DDB1: variants seen among roughly 807,000 people sequenced by gnomAD.
The protein encoded by DDB1 is damage specific DNA binding protein 1.
Under a neutral mutation model 133.1 loss-of-function variants are expected in DDB1, and 18 were observed. The observed-to-expected ratio is 0.14, with a 90% CI of 0.09 to 0.20. DDB1 has a LOEUF of 0.20. Among genes scored for constraint, DDB1 ranks in the 10% least tolerant of loss-of-function variants. DDB1 has a pLI of 1.00. For synonymous variants in DDB1, 580 were observed against 550.5 expected (o/e 1.05, Z -0.75); for missense variants, 828 against 1,459.2 (o/e 0.57, Z 7.05).
At chr11:61,325,079 C>T (rs1221428929) in intron 6 of DDB1, among the ~76,000 whole-genome samples, 2 of 151,868 alleles carry the variant, frequency 1.3e-5, no homozygotes, top group East Asian at 3.9e-4. Context: ...ACCTGGGAGG[C>T]GGAGGTTGCA....
chr11:61,303,813 A>G, intron 22 of DDB1, 52 bp downstream of exon 22: 1 of 1,594,638 alleles, frequency 6.3e-7, no homozygotes, highest in South Asian at 1.1e-5. Context: ...AGACACTTGC[A>G]GGGGCGGTGG....
chr11:61,312,888 T>C (rs760697939), intron 16 of DDB1, among the ~76,000 whole-genome samples: 3 of 151,926 alleles, frequency 2.0e-5, no homozygotes, highest in Non-Finnish European at 2.9e-5. Context: ...CATGAGCCAC[T>C]GCACCCAGCA....
At position 61,326,999 on chromosome 11, in the gene DDB1, G is replaced by A. The variant is rs367586935; in HGVS notation, c.550-106C>T. The A allele has an allele frequency of 2.0e-3, 1,572 of 784,300 alleles. 32 individuals are homozygous for A. The South Asian group carries it at 0.023, about 12-fold the overall frequency. The allele number at this position is 784,300 out of a possible 1,614,324, so 48.6% of individuals were successfully genotyped here. A position where few individuals can be genotyped will look rare whatever the true frequency, so the allele number is the denominator to read the frequency against. ...CCACTACCCAGCATCTGACAGTCCT[G>A]TCATGTCAGCCCTCCCACCCTTATC... On this transcript the variant is annotated intron_variant, in intron 4 of 26. Coordinates refer to ENST00000301764, the MANE Select transcript of DDB1 (RefSeq NM_001923.5).
intron 21 of DDB1, among the ~76,000 whole-genome samples, chr11:61,306,926 G>C (rs552673145): frequency 6.6e-6 from 1 of 152,206 alleles, no homozygotes; most frequent in Non-Finnish European, 1.5e-5. Context: ...TCACTCTTCT[G>C]GTCCTAAAAC....
rs1856202452 is a variant in DDB1, at chr11:61,322,705, G to GC, written c.1006-294_1006-293insG. On this transcript the variant is annotated intron_variant, in intron 8 of 26. Coordinates refer to ENST00000301764, the MANE Select transcript of DDB1 (RefSeq NM_001923.5). ...TTTGCATGCATTTTTCTGCAGAGAA[G>GC]GTCCGAAGTTTTCATATTCTAGAAG... 3 of 535,730 alleles carry GC rather than the reference G, an allele frequency of 5.6e-6. No homozygotes were observed. The East Asian group carries it at 8.9e-5, about 16-fold the overall frequency. The allele number at this position is 535,730 out of a possible 1,614,324, so 33.2% of individuals were successfully genotyped here.
chr11:61,312,077 G>A lies in DDB1; in HGVS notation c.2077C>T (p.Leu693=), dbSNP rs748846173. 1 of 1,614,186 alleles carries A rather than the reference G, an allele frequency of 6.2e-7. No homozygotes were observed. Among genetic ancestry groups the A allele is most frequent in the Non-Finnish European group, 8.5e-7 (1 of 1,180,024 alleles). The change falls in exon 17 of 27, where the codon CTG becomes TTG. Residue 693 remains leucine (L), a synonymous_variant. Transcript: ENST00000301764. ...NSDGYPDSLA[L]ANNSTLTIGT... ...ATGGTGAGGGTGCTATTGTTGGCCA[G>A]CGCCAGGCTGGAAAGAAGGGTCTGG...
intron 5 of DDB1, among the ~76,000 whole-genome samples, 187 bp downstream of exon 5, chr11:61,326,590 CAG>C (rs1178402776): frequency 6.6e-6 from 1 of 151,950 alleles, no homozygotes; most frequent in Non-Finnish European, 1.5e-5. Context: ...AAGTGAAAAA[CAG>C]AAAATCTCAA....
At position 61,309,920 on chromosome 11, in the gene DDB1, G is replaced by A. The variant is rs780707990; in HGVS notation, c.2442C>T (p.Leu814=). 1 of 1,614,252 alleles carries A rather than the reference G, an allele frequency of 6.2e-7. No homozygotes were observed. Among genetic ancestry groups the A allele is most frequent in the Non-Finnish European group, 8.5e-7 (1 of 1,180,048 alleles). The change falls in exon 20 of 27, where the codon CTC becomes CTT. Residue 814 remains leucine, a synonymous_variant. Transcript: ENST00000301764. ...TGCCCAGCTTGCAGGAAACCAGACT[G>A]AGGGCATATTCATTCTGCAGAAACT... ...AHQFLQNEYA[L]SLVSCKLGKD...
chr11:61,313,983 G>C lies in DDB1; in HGVS notation c.1754-14C>G. The stretch of plus-strand genomic sequence containing the variant: ...GAGGAATGATCTCTGTGAGAAAGGG[G>C]GACATTATGTTCTTGTTCCACATTT... On this transcript the variant is annotated splice_polypyrimidine_tract_variant and intron_variant, in intron 14 of 26. Transcript: ENST00000301764. 1 of 1,614,074 alleles carries C rather than the reference G, an allele frequency of 6.2e-7. No individual in the cohort carries two copies. The highest frequency in any genetic ancestry group is 1.6e-4 in the Middle Eastern group (1 of 6,062).
chr11:61,314,630 ATG>A lies in DDB1; in HGVS notation c.1411-146_1411-145del. 4 of 815,804 alleles carry A rather than the reference ATG, an allele frequency of 4.9e-6. No homozygotes were observed. In the South Asian group the frequency reaches 7.9e-5, roughly 16 times the overall value. 50.5% of individuals were successfully genotyped at this position (815,804 alleles called of 1,614,324 possible). A position where few individuals can be genotyped will look rare whatever the true frequency, so the allele number is the denominator to read the frequency against. On this transcript the variant is annotated intron_variant, in intron 12 of 26. Transcript: ENST00000301764. ...TTTCTTATTCCCCAAAGTCCTGCTA[ATG>A]ATTACAATAGATGTCATTTTTGCAT... is the stretch of plus-strand genomic sequence containing the variant.
rs774488814 is a variant in DDB1 at position 61,302,183 on chromosome 11, C to T, written c.3215+74G>A. ...CCTAATCAAGACATGTAGTAGCTTCCGGGTAATGTGACTCCGTGTGCCACA... is the reference window on the plus strand; with the variant it reads ...CCTAATCAAGACATGTAGTAGCTTCTGGGTAATGTGACTCCGTGTGCCACA... On this transcript the variant is annotated intron_variant, in intron 25 of 26. Coordinates refer to ENST00000301764, the MANE Select transcript of DDB1 (RefSeq NM_001923.5). 4.0e-4 allele frequency: 523 copies of T among 1,302,388 alleles called. 2 individuals carry two copies. The highest frequency in any genetic ancestry group is 1.8e-3 in the Middle Eastern group (10 of 5,418). The allele number at this position is 1,302,388 out of a possible 1,614,324, so 80.7% of individuals were successfully genotyped here.
In DDB1 at chr11:61,314,157, T is replaced by C. The variant is rs757720014; in HGVS notation, c.1643A>G (p.Asp548Gly). The C allele has an allele frequency of 5.0e-6, 8 of 1,613,484 alleles. No individual in the cohort carries two copies. In the East Asian group the frequency reaches 1.6e-4, roughly 31 times the overall value. ...VACLDITPLG[D>G]SNGLSPLCAI... is the part of the protein sequence containing the mutation. ...ACAAAGAGGGGACAGTCCATTGCTG[T>C]CTCCTAATGGGGTGATGTCCAAGCA... is the stretch of plus-strand genomic sequence containing the variant. The change falls in exon 14 of 27, where the codon GAC (aspartate) becomes GGC (glycine). Residue 548 changes from aspartate to glycine, a missense_variant. Coordinates refer to ENST00000301764, the MANE Select transcript of DDB1 (RefSeq NM_001923.5).
rs763109671 is a variant in DDB1 at position 61,326,896 on chromosome 11, G to A, written c.550-3C>T. On this transcript the variant is annotated splice_polypyrimidine_tract_variant and splice_region_variant and intron_variant, in intron 4 of 26. Coordinates refer to ENST00000301764, the MANE Select transcript of DDB1 (RefSeq NM_001923.5). ...TTTACGTGCCGCCCCTGAGGGTCCT[G>A]GGGGGGAAAGGTAAAATGGTTAGCC... 2 of 1,602,880 alleles carry A rather than the reference G, an allele frequency of 1.2e-6. No individual in the cohort carries two copies. The highest frequency in any genetic ancestry group is 1.7e-5 in the Admixed American group (1 of 59,960).
intron 21 of DDB1, among the ~76,000 whole-genome samples, chr11:61,306,909 A>T (rs1015745797): frequency 1.3e-5 from 2 of 151,634 alleles, no homozygotes; most frequent in African/African-American, 4.9e-5. Context: ...GCATTTTCCT[A>T]CTCCTCTCAC....
rs1243848504 is a variant in DDB1, at chr11:61,313,485, A to C, written c.2069+14T>G. 6.2e-7 allele frequency: 1 copy of C among 1,609,592 alleles called. No homozygotes were observed. Among genetic ancestry groups the C allele is most frequent in the South Asian group, 1.1e-5 (1 of 90,768 alleles). ...AATCAATAGCTCTCATTAAATAAGG[A>C]AAAAGAGACTCACCTGTCAGGATAG... is the stretch of plus-strand genomic sequence containing the variant. On this transcript the variant is annotated intron_variant, in intron 16 of 26. Coordinates refer to ENST00000301764, the MANE Select transcript of DDB1 (RefSeq NM_001923.5).
chr11:61,305,566 C>A (rs1412936118), intron 21 of DDB1, among the ~76,000 whole-genome samples: 1 of 152,136 alleles, frequency 6.6e-6, no homozygotes, highest in Non-Finnish European at 1.5e-5. Flanking sequence ...GTAAAAGGTA[C>A]CTCCAGAGTG....
intron 10 of DDB1, among the ~76,000 whole-genome samples, chr11:61,320,520 G>A (rs2134924910): frequency 6.6e-6 from 1 of 151,904 alleles, no homozygotes; most frequent in South Asian, 2.1e-4. Flanking sequence ...TTTCTTTATT[G>A]ACCTTTTCCC....
chr11:61,312,683 C>T (rs1338450004), intron 16 of DDB1, among the ~76,000 whole-genome samples: 1 of 151,984 alleles, frequency 6.6e-6, no homozygotes, highest in Non-Finnish European at 1.5e-5. Context: ...ACTGAAAACT[C>T]TGCCTCCTGG....
Position 61,324,028 on chromosome 11 carries a change from A to G in DDB1, c.872T>C (p.Met291Thr). ...FMLLLEKEEQ[M>T]DGTVTLKDLR... Reference sequence around the variant, plus strand: ...ATCCTTGAGAGTGACGGTGCCATCCATCTGTTCCTCCTTCTCCAAAAGCAG... The same window carrying G: ...ATCCTTGAGAGTGACGGTGCCATCCGTCTGTTCCTCCTTCTCCAAAAGCAG... Residue 291 changes from methionine (M) to threonine (T), a missense_variant, in exon 7 of 27, where the codon ATG becomes ACG. Met to Thr is a moderately conservative substitution (Grantham distance 81, BLOSUM62 -1). Around this residue, in one of 7 missense-constraint regions of DDB1, gnomAD observed 35 missense variants for 57.5 expected, o/e 0.61. Transcript: ENST00000301764. 1 of 1,614,178 alleles carries G rather than the reference A, an allele frequency of 6.2e-7. No homozygotes were observed.
Sources: allele counts gnomAD v4.1 joint callset (sites outside exome capture counted in the v4.1 genomes callset), GRCh38; gene constraint gnomAD v4.1.1; regional missense constraint gnomAD v4.1.1; transcripts MANE v1.5; gene names NCBI Gene and HGNC (gene_info 2026-07-23, HGNC 2026-07-21).